Variants in ROBO3 observed in about 807,000 individuals in gnomAD.
The protein encoded by ROBO3 is roundabout homolog 3.
ROBO3 carries 97 observed loss-of-function variants against 160.5 expected under a neutral mutation model. The observed-to-expected ratio is 0.60, with a 90% CI of 0.51 to 0.72. The LOEUF (loss-of-function observed/expected upper bound fraction) is 0.72, where lower values mean the gene tolerates loss of function less well. Among genes scored for constraint, ROBO3 ranks in the 30% least tolerant of loss-of-function variants. The pLI, the probability that ROBO3 is intolerant of heterozygous loss-of-function variation, is 0.00. For missense variants in ROBO3, 1,858 were observed against 1,846.5 expected (o/e 1.01, Z -0.11); for synonymous variants, 780 against 746.2 (o/e 1.05, Z -0.74).
Position 124,878,399 on chromosome 11 carries a change from A to G in ROBO3, c.3283A>G (p.Ser1095Gly), listed in dbSNP as rs1946460409. Residue 1095 changes from serine (S) to glycine (G), a missense_variant, in exon 22 of 28, where the codon AGC (serine) becomes GGC (glycine). Coordinates refer to ENST00000397801, the MANE Select transcript of ROBO3 (RefSeq NM_022370.4). The surrounding 1 kb of genome is among the most constrained non-coding windows in gnomAD (Gnocchi z 4.3). ...LPPPPPSCELSCLEGPEEELE... is the reference protein window; with the variant it reads ...LPPPPPSCELGCLEGPEEELE... ...CCCACCTCCTCCTTCTTGTGAACTG[A>G]GCTGCCTAGAAGGGCCGGAGGAGGA... 6.2e-7 allele frequency: 1 copy of G among 1,613,774 alleles called. No individual in the cohort carries two copies. Among genetic ancestry groups the G allele is most frequent in the Non-Finnish European group, 8.5e-7 (1 of 1,179,890 alleles).
intron 19 of ROBO3, 69 bp from the exon 20 acceptor site, chr11:124,877,450 C>A: frequency 6.3e-7 from 1 of 1,595,210 alleles, no homozygotes; most frequent in Non-Finnish European, 8.6e-7. Flanking sequence ...TCCCGAATAT[C>A]GCCACCTCCC....
Position 124,874,960 on chromosome 11 carries a change from A to C in ROBO3, c.2073+51A>C, listed in dbSNP as rs533872730. On this transcript the variant is annotated intron_variant, in intron 13 of 27. Transcript: ENST00000397801. ...CAGGGTGGGGATGATTATGAGGCAC[A>C]TGAGGGCCTCCAAGAGTGAGTATGG... The C allele has an allele frequency of 3.8e-6, 6 of 1,577,956 alleles. No homozygotes were observed. The East Asian group carries it at 1.4e-4, about 36-fold the overall frequency.
Position 124,878,147 on chromosome 11 carries a change from C to G in ROBO3, c.3181+16C>G. 6.3e-7 allele frequency: 1 copy of G among 1,593,832 alleles called. No homozygotes were observed. The highest frequency in any genetic ancestry group is 8.5e-7 in the Non-Finnish European group (1 of 1,170,342). The stretch of plus-strand genomic sequence containing the variant: ...GGGGACAGTGGTATGACTCCAACTC[C>G]TGAAACCCCGTTTAGCCCTGACCAG... On this transcript the variant is annotated intron_variant, in intron 21 of 27. Transcript: ENST00000397801. This position sits in a 1 kb window ranked among gnomAD's most constrained non-coding sequence, Gnocchi z 4.3.
chr11:124,874,262 G>A (rs756085235), intron 12 of ROBO3, 26 bp downstream of exon 12: 24 of 1,595,026 alleles, frequency 1.5e-5, no homozygotes, highest in East Asian at 2.2e-5. Flanking sequence ...CTGGGCTCAT[G>A]AGCATGAAAT....
At position 124,873,753 on chromosome 11, in the gene ROBO3, C is replaced by G. The variant is rs769780811; in HGVS notation, c.1675C>G (p.Pro559Ala). 1.5e-5 allele frequency: 25 copies of G among 1,613,788 alleles called. 1 individual carries two copies. The East Asian group carries it at 5.3e-4, about 35-fold the overall frequency. Residue 559 changes from proline to alanine, a missense_variant, in exon 11 of 28, where the codon CCC becomes GCC. Transcript: ENST00000397801. This position sits in a 1 kb window ranked among gnomAD's most constrained non-coding sequence, Gnocchi z 4.5. ...PTEPSSPPGA[P>A]SQPVVTEITK... is the part of the protein sequence containing the mutation. ...AGAACCCAGTTCCCCTCCGGGGGCTCCCTCTCAGCCAGTGGTCACTGAGAT... is the reference window on the plus strand; with the variant it reads ...AGAACCCAGTTCCCCTCCGGGGGCTGCCTCTCAGCCAGTGGTCACTGAGAT...
Position 124,868,825 on chromosome 11 carries a change from G to C in ROBO3, c.184G>C (p.Ala62Pro). ...LNGSRVGPED[A>P]MPRIVEQPPD... ...AGGGTCAAGGGTAGGACCGGAGGAC[G>C]CTATGCCCCGCATCGTGGAGCAGCC... is the stretch of plus-strand genomic sequence containing the variant. The change falls in exon 2 of 28, where the codon GCT becomes CCT. Residue 62 changes from alanine to proline, a missense_variant. Transcript: ENST00000397801. The C allele has an allele frequency of 6.2e-7, 1 of 1,609,778 alleles. No homozygotes were observed. Among genetic ancestry groups the C allele is most frequent in the Non-Finnish European group, 8.5e-7 (1 of 1,178,604 alleles).
rs776737669 is a variant in ROBO3, at chr11:124,869,079, C to T, written c.438C>T (p.Arg146=). The T allele has an allele frequency of 3.1e-6, 5 of 1,595,770 alleles. No homozygotes were observed. In the Admixed American group the frequency reaches 8.6e-5, roughly 27 times the overall value. ...PDEGVYTCVA[R]NYLGAAASRN... ...AAGGTGTCTACACTTGCGTGGCTCG[C>T]AACTACCTGGGGGCAGCAGCGAGCA... The change falls in exon 2 of 28, where the codon CGC becomes CGT. Residue 146 remains arginine, a synonymous_variant. Transcript: ENST00000397801. The surrounding 1 kb of genome is among the most constrained non-coding windows in gnomAD (Gnocchi z 4.2).
intron 25 of ROBO3, 43 bp downstream of exon 25, chr11:124,879,618 G>A (rs759955141): frequency 6.4e-7 from 1 of 1,563,562 alleles, no homozygotes; most frequent in African/African-American, 1.4e-5. Flanking sequence ...GTAGTGGCGG[G>A]GGGATAGGCA....
In ROBO3 at chr11:124,880,504, TC is replaced by T; in HGVS notation, c.4047del (p.Arg1350GlyfsTer69). The T allele has an allele frequency of 6.3e-7, 1 of 1,591,920 alleles. No homozygotes were observed. Among genetic ancestry groups the T allele is most frequent in the East Asian group, 2.3e-5 (1 of 43,886 alleles). On this transcript the variant is annotated frameshift_variant, in exon 27 of 28. Coordinates refer to ENST00000397801, the MANE Select transcript of ROBO3 (RefSeq NM_022370.4). LOFTEE classifies it high-confidence loss of function. ...STCSTAGSNS[S>X]RGSSSSRGSR... ...ATGTTCCACGGCCGGCAGCAACTCT[TC>T]CAGGGGCTCCAGCAGCTCTAGGGGC... is the stretch of plus-strand genomic sequence containing the variant.
At position 124,873,627 on chromosome 11, in the gene ROBO3, G is replaced by C; in HGVS notation, c.1619-70G>C. ...AGCTCAGAGCTCCATAGCTCCCCTG[G>C]TAAGGAGACAGGTTACACTAGGATT... On this transcript the variant is annotated intron_variant, in intron 10 of 27. Coordinates refer to ENST00000397801, the MANE Select transcript of ROBO3 (RefSeq NM_022370.4). This position sits in a 1 kb window ranked among gnomAD's most constrained non-coding sequence, Gnocchi z 4.5. 2 of 1,436,246 alleles carry C rather than the reference G, an allele frequency of 1.4e-6. No homozygotes were observed. The highest frequency in any genetic ancestry group is 1.3e-5 in the South Asian group (1 of 75,686). The allele number at this position is 1,436,246 out of a possible 1,614,324, so 89.0% of individuals were successfully genotyped here. A position where few individuals can be genotyped will look rare whatever the true frequency, so the allele number is the denominator to read the frequency against.
Position 124,872,768 on chromosome 11 carries a change from A to C in ROBO3, c.1331-116A>C, listed in dbSNP as rs1214715166. On this transcript the variant is annotated intron_variant, in intron 8 of 27. Coordinates refer to ENST00000397801, the MANE Select transcript of ROBO3 (RefSeq NM_022370.4). This position sits in a 1 kb window ranked among gnomAD's most constrained non-coding sequence, Gnocchi z 4.3. ...ATGATTATCAAAGCCCCCTCTGATC[A>C]CCGGAAGTTTCAGGGGCTGGGGTAG... 9.9e-7 allele frequency: 1 copy of C among 1,008,860 alleles called. No homozygotes were observed. Among genetic ancestry groups the C allele is most frequent in the Middle Eastern group, 3.2e-4 (1 of 3,104 alleles). 62.5% of individuals were successfully genotyped at this position (1,008,860 alleles called of 1,614,324 possible). A position where few individuals can be genotyped will look rare whatever the true frequency, so the allele number is the denominator to read the frequency against.
chr11:124,878,044 T>G lies in ROBO3; in HGVS notation c.3094T>G (p.Phe1032Val), dbSNP rs758786579. The change falls in exon 21 of 28, where the codon TTC (phenylalanine) becomes GTC (valine). Residue 1032 changes from phenylalanine to valine, a missense_variant. Physicochemically the swap from Phe to Val is conservative, Grantham distance 50 (BLOSUM62 -1). Transcript: ENST00000397801. The surrounding 1 kb of genome is among the most constrained non-coding windows in gnomAD (Gnocchi z 4.3). ...CCCAGCGGGGGAGGAGCTGCAGACCTTCCATGGGGGCTTCCCCCAACATCC... is the reference window on the plus strand; with the variant it reads ...CCCAGCGGGGGAGGAGCTGCAGACCGTCCATGGGGGCTTCCCCCAACATCC... ...IDPAGEELQT[F>V]HGGFPQHPSG... is the part of the protein sequence containing the mutation. 1 of 1,612,594 alleles carries G rather than the reference T, an allele frequency of 6.2e-7. No homozygotes were observed. The highest frequency in any genetic ancestry group is 1.1e-5 in the South Asian group (1 of 90,800).
rs765950601 is a variant in ROBO3 at position 124,879,906 on chromosome 11, C to T, written c.3916C>T (p.Gln1306Ter). ...RERSGERKAV[Q>*]AVPLAAQRVL... ...GCGCAGTGGGGAGAGGAAAGCGGTC[C>T]AGGCCGTGCCCCTGGCAGCCCAGCG... Residue 1306 changes from glutamine (Q) to a stop codon, truncating the protein, a stop_gained, in exon 26 of 28, where the codon CAG becomes TAG. Transcript: ENST00000397801. LOFTEE classifies it high-confidence loss of function. 6.2e-7 allele frequency: 1 copy of T among 1,606,546 alleles called. No individual in the cohort carries two copies. The highest frequency in any genetic ancestry group is 8.5e-7 in the Non-Finnish European group (1 of 1,177,036).
chr11:124,872,885 C>G lies in ROBO3; in HGVS notation c.1332C>G (p.Ala444=). The change falls in exon 9 of 28, where the codon GCC becomes GCG. Residue 444 remains alanine (A), a splice_region_variant and synonymous_variant. Transcript: ENST00000397801. This position sits in a 1 kb window ranked among gnomAD's most constrained non-coding sequence, Gnocchi z 4.3. Reference sequence around the variant, plus strand: ...GTGCACACGTTCTTCCTCTCTCAGCCTCTTTGGATGGGCTGCCTCCTGTCA... The same window carrying G: ...GTGCACACGTTCTTCCTCTCTCAGCGTCTTTGGATGGGCTGCCTCCTGTCA... ...LAKALLEIKG[A]SLDGLPPVIL... 2 of 1,599,404 alleles carry G rather than the reference C, an allele frequency of 1.3e-6. No individual in the cohort carries two copies. The highest frequency in any genetic ancestry group is 1.7e-6 in the Non-Finnish European group (2 of 1,173,328).
intron 25 of ROBO3, 99 bp from the exon 26 acceptor site, chr11:124,879,688 C>G (rs3802905): frequency 0.36 from 563,458 of 1,556,208 alleles, 108,676 homozygotes; most frequent in African/African-American, 0.55. Flanking sequence ...CAATCTTGGG[C>G]TGTTCATTGG....
Position 124,877,997 on chromosome 11 carries a change from G to T in ROBO3, c.3047G>T (p.Gly1016Val). The change falls in exon 21 of 28, where the codon GGT (glycine) becomes GTT (valine). Residue 1016 changes from glycine (G) to valine (V), a missense_variant. Coordinates refer to ENST00000397801, the MANE Select transcript of ROBO3 (RefSeq NM_022370.4). ...TARGTAAPGE[G>V]PVYSTIDPAG... ...AGGGGCACGGCCGCCCCTGGCGAGG[G>T]TCCTGTCTATAGCACCATTGACCCA... 6.2e-7 allele frequency: 1 copy of T among 1,612,082 alleles called. No homozygotes were observed. The highest frequency in any genetic ancestry group is 8.5e-7 in the Non-Finnish European group (1 of 1,179,202).
chr11:124,877,639 G>T lies in ROBO3; in HGVS notation c.2967G>T (p.Pro989=), dbSNP rs1273789860. ...GCTGCTGCCCTAGCAATCCTGACCC[G>T]GACGACAGATATTACAACGGTGAGG... ...RGSCCPSNPD[P]DDRYYNEAGI... Residue 989 remains proline (P), a synonymous_variant, in exon 20 of 28, where the codon CCG becomes CCT. Transcript: ENST00000397801. 6.2e-7 allele frequency: 1 copy of T among 1,610,824 alleles called. No homozygotes were observed. Among genetic ancestry groups the T allele is most frequent in the African/African-American group, 1.3e-5 (1 of 74,988 alleles).
Position 124,869,433 on chromosome 11 carries a change from C to A in ROBO3, c.488-17C>A, listed in dbSNP as rs768592560. 2 of 1,317,808 alleles carry A rather than the reference C, an allele frequency of 1.5e-6. No individual in the cohort carries two copies. Among genetic ancestry groups the A allele is most frequent in the Non-Finnish European group, 2.1e-6 (2 of 937,236 alleles). The allele number at this position is 1,317,808 out of a possible 1,614,324, so 81.6% of individuals were successfully genotyped here. A position where few individuals can be genotyped will look rare whatever the true frequency, so the allele number is the denominator to read the frequency against. ...ACTCTACACCCTGCTTATTTCGCCCCCCACCGCCCCGCCCAGTCCTCCGTG... is the reference window on the plus strand; with the variant it reads ...ACTCTACACCCTGCTTATTTCGCCCACCACCGCCCCGCCCAGTCCTCCGTG... On this transcript the variant is annotated splice_polypyrimidine_tract_variant and intron_variant, in intron 2 of 27. Transcript: ENST00000397801. The surrounding 1 kb of genome is among the most constrained non-coding windows in gnomAD (Gnocchi z 4.2).
At position 124,877,318 on chromosome 11, in the gene ROBO3, C is replaced by G. The variant is rs1555046530; in HGVS notation, c.2846+9C>G. 1.2e-6 allele frequency: 2 copies of G among 1,613,872 alleles called. No individual in the cohort carries two copies. Among genetic ancestry groups the G allele is most frequent in the Non-Finnish European group, 1.7e-6 (2 of 1,179,800 alleles). ...TCTGGAGCCAGTTCCAGGTAATTCTCTTAGCCCATTTCCTCAGGATGACCT... is the reference window on the plus strand; with the variant it reads ...TCTGGAGCCAGTTCCAGGTAATTCTGTTAGCCCATTTCCTCAGGATGACCT... On this transcript the variant is annotated intron_variant, in intron 19 of 27. Transcript: ENST00000397801.
Sources: gnomAD v4.1 joint callset for allele counts on GRCh38, gnomAD v4.1.1 for gene constraint, Gnocchi (gnomAD v3.1) non-coding constraint, MANE v1.5 for transcripts, NCBI Gene and HGNC (gene_info 2026-07-23, HGNC 2026-07-21) for gene names.